Variants in CLYBL observed in about 807,000 individuals in gnomAD.
CLYBL encodes the protein citramalyl-CoA lyase, mitochondrial.
A neutral mutation model predicts 38.9 loss-of-function variants in CLYBL; 31 were observed. That is an observed-to-expected ratio of 0.80 (90% CI 0.60 to 1.08). The LOEUF (loss-of-function observed/expected upper bound fraction) is 1.08. CLYBL is among the 50% of genes least tolerant of loss of function. The pLI is 0.00. For synonymous variants in CLYBL, 171 were observed against 158.6 expected, an observed-to-expected ratio of 1.08 and a Z score of -0.59; for missense variants, 434 against 411.6, an observed-to-expected ratio of 1.05 and a Z score of -0.47.
chr13:99,833,029 T>A (rs372275242), intron 2 of CLYBL, among the ~76,000 whole-genome samples: 1 of 39,100 alleles, frequency 2.6e-5, no homozygotes, highest in African/African-American at 1.1e-4. Flanking sequence ...TATATATATA[T>A]ATTTTTTTTT....
At position 99,672,210 on chromosome 13, in the gene CLYBL, T is replaced by C. The variant is rs562388590; in HGVS notation, c.62+65453T>C. Among the ~76,000 whole-genome samples, 227 of 151,132 alleles carry C rather than the reference T, an allele frequency of 1.5e-3. 1 individual carries two copies. Among genetic ancestry groups the C allele is most frequent in the Non-Finnish European group, 2.9e-3 (196 of 67,650 alleles). ...AATTTCTTTTTTTTTTTCTTTTTTT[T>C]TTTTTTGAGACAGAGTCCCACTCTG... On this transcript the variant is annotated intron_variant, in intron 1 of 8. Coordinates refer to ENST00000339105, the MANE Select transcript of CLYBL (RefSeq NM_206808.5).
intron 1 of CLYBL, among the ~76,000 whole-genome samples, chr13:99,672,222 A>G (rs1435831766): frequency 6.9e-6 from 1 of 145,096 alleles, no homozygotes; most frequent in African/African-American, 2.6e-5. Context: ...TTTTTGAGAC[A>G]GAGTCCCACT....
chr13:99,774,742 C>T (rs191032448), intron 2 of CLYBL, among the ~76,000 whole-genome samples: 1 of 152,238 alleles, frequency 6.6e-6, no homozygotes. Flanking sequence ...TTAGAATGAG[C>T]CTGTGGAATC....
chr13:99,664,372 C>T (rs2047450480), intron 1 of CLYBL, among the ~76,000 whole-genome samples: 1 of 152,208 alleles, frequency 6.6e-6, no homozygotes, highest in Admixed American at 6.5e-5. Flanking sequence ...ACTTTCAAGC[C>T]AGTTGCAAAA....
Position 99,675,486 on chromosome 13 carries a change from C to T in CLYBL, c.62+68729C>T, listed in dbSNP as rs987534279. Among the ~76,000 whole-genome samples, 4 of 152,288 alleles carry T rather than the reference C, an allele frequency of 2.6e-5. No homozygotes were observed. In the East Asian group the frequency reaches 7.7e-4, roughly 29 times the overall value. On this transcript the variant is annotated intron_variant, in intron 1 of 8. Coordinates refer to ENST00000339105, the MANE Select transcript of CLYBL (RefSeq NM_206808.5). ...TTTATTTCTATCACTGTTTCTTCAG[C>T]CCCAAAAGAAACCCTGTTCCCATTA...
At chr13:99,842,029 G>A (rs982831070) in intron 2 of CLYBL, among the ~76,000 whole-genome samples, 3 of 151,854 alleles carry the variant, frequency 2.0e-5, no homozygotes, top group Admixed American at 1.3e-4. Flanking sequence ...TGTTGACCAG[G>A]CTGGTCTCCA....
Position 99,616,897 on chromosome 13 carries a change from A to C in CLYBL, c.62+10140A>C, listed in dbSNP as rs1051305796. On this transcript the variant is annotated intron_variant, in intron 1 of 8. Transcript: ENST00000339105. ...CTTGAACCCAGGAGGTGGAGGTTGC[A>C]GTGAGCCAAGATCATGCCACTGCAC... Among the ~76,000 whole-genome samples, 7 of 152,268 alleles carry C rather than the reference A, an allele frequency of 4.6e-5. No homozygotes were observed. The East Asian group carries it at 1.3e-3, about 29-fold the overall frequency.
intron 1 of CLYBL, among the ~76,000 whole-genome samples, chr13:99,663,176 GA>G (rs1263131014): frequency 6.6e-6 from 1 of 152,178 alleles, no homozygotes; most frequent in African/African-American, 2.4e-5. Flanking sequence ...ACCCCGAGGG[GA>G]ATACTTTCTT....
intron 2 of CLYBL, among the ~76,000 whole-genome samples, chr13:99,832,840 GA>G (rs200320429): frequency 7.2e-6 from 1 of 138,032 alleles, no homozygotes; most frequent in African/African-American, 2.7e-5. Flanking sequence ...CTGTTAAAGG[GA>G]AAAAAAAGAA....
At chr13:99,862,341 T>A (rs929613264) in intron 3 of CLYBL, among the ~76,000 whole-genome samples, 1 of 152,180 alleles carries the variant, frequency 6.6e-6, no homozygotes, top group Non-Finnish European at 1.5e-5. Context: ...AGCTTTTGTA[T>A]GTTTCCAGAT....
intron 7 of CLYBL, among the ~76,000 whole-genome samples, chr13:99,874,763 A>G (rs1274087127): frequency 6.6e-6 from 1 of 152,212 alleles, no homozygotes; most frequent in Non-Finnish European, 1.5e-5. Context: ...TTCCATATTC[A>G]TCACTCTTAG....
chr13:99,781,133 T>C (rs1217863253), intron 2 of CLYBL, among the ~76,000 whole-genome samples: 3 of 150,144 alleles, frequency 2.0e-5, no homozygotes, highest in Admixed American at 2.0e-4. Context: ...TTTTAAAATA[T>C]ATATATATTT....
intron 1 of CLYBL, among the ~76,000 whole-genome samples, chr13:99,641,452 G>A (rs1355594962): frequency 6.6e-6 from 1 of 152,020 alleles, no homozygotes; most frequent in Non-Finnish European, 1.5e-5. Flanking sequence ...GGTGGATCAC[G>A]AGGTCAGGAG....
chr13:99,905,907 G>A (rs1404325146), intron 9 of CLYBL, among the ~76,000 whole-genome samples: 4 of 151,930 alleles, frequency 2.6e-5, no homozygotes, highest in Admixed American at 6.6e-5. Context: ...CCAAGTAGCA[G>A]GAACTACAGG....
At chr13:99,896,945 C>G (rs2052588884), downstream of CLYBL, 1 of 152,180 alleles carries the variant, frequency 6.6e-6, no homozygotes, top group South Asian at 2.1e-4. Context: ...AGGGGCCAGT[C>G]ACAGGACTTA....
intron 2 of CLYBL, among the ~76,000 whole-genome samples, chr13:99,822,981 C>T (rs71439621): frequency 0.018 from 2,785 of 152,292 alleles, 38 homozygotes; most frequent in Non-Finnish European, 0.027. Flanking sequence ...TCTCCCATTT[C>T]CTCATCCTTC....
chr13:99,905,928 C>T (rs1398859520), intron 9 of CLYBL, among the ~76,000 whole-genome samples: 6 of 152,002 alleles, frequency 3.9e-5, no homozygotes, highest in Admixed American at 3.9e-4. Context: ...CCTGTGCCAC[C>T]ACTCCCAGAT....
chr13:99,804,084 G>T (rs1346312651), intron 2 of CLYBL, among the ~76,000 whole-genome samples: 1 of 152,234 alleles, frequency 6.6e-6, no homozygotes, highest in African/African-American at 2.4e-5. Context: ...GCTTCAGAGG[G>T]TGGAGTGAGG....
In CLYBL at chr13:99,773,442, TC is replaced by T. The variant is rs2049443234; in HGVS notation, c.249+434del. 2.6e-5 allele frequency among the ~76,000 whole-genome samples: 4 copies of T among 152,240 alleles called. 1 individual carries two copies. In the South Asian group the frequency reaches 6.2e-4, roughly 24 times the overall value. Reference sequence around the variant, plus strand: ...CAAGCATTATGGCCTAAGCTCTGCCTCCTGTCAGATCAGCAGTGGCATTAGA... The same window carrying T: ...CAAGCATTATGGCCTAAGCTCTGCCTCTGTCAGATCAGCAGTGGCATTAGA... On this transcript the variant is annotated intron_variant, in intron 2 of 8. Transcript: ENST00000339105.
Sources: allele counts gnomAD v4.1 joint callset (sites outside exome capture counted in the v4.1 genomes callset), GRCh38; gene constraint gnomAD v4.1.1; transcripts MANE v1.5; gene names NCBI Gene and HGNC (gene_info 2026-07-23, HGNC 2026-07-21).